The following CTDSPL2 variants were observed in gnomAD, a reference collection of about 807,000 sequenced individuals.
CTDSPL2 encodes the protein CTD small phosphatase like 2.
CTDSPL2 carries 5 observed loss-of-function variants against 60.0 expected under a neutral mutation model. The ratio of observed to expected loss-of-function variants is 0.08; its 90% confidence interval spans 0.04 to 0.18. CTDSPL2 has a LOEUF of 0.18. CTDSPL2 is among the 10% of genes least tolerant of loss of function. The pLI is 1.00. For missense variants in CTDSPL2, 370 were observed against 548.8 expected (o/e 0.67, Z 3.26); for synonymous variants, 186 against 189.3 (o/e 0.98, Z 0.14).
chr15:44,488,811 C>A (rs1432389210), intron 4 of CTDSPL2, among the ~76,000 whole-genome samples: 1 of 152,108 alleles, frequency 6.6e-6, no homozygotes, highest in Non-Finnish European at 1.5e-5. Context: ...AAGAGTGAAA[C>A]TCCATCTCAA....
intron 8 of CTDSPL2, among the ~76,000 whole-genome samples, chr15:44,511,975 G>T (rs1007401922): frequency 6.6e-6 from 1 of 151,532 alleles, no homozygotes; most frequent in Non-Finnish European, 1.5e-5. Context: ...TTGCTTGAGC[G>T]TAAGAGTTTG....
At chr15:44,466,199 A>G (rs2080687024) in intron 2 of CTDSPL2, among the ~76,000 whole-genome samples, 1 of 151,854 alleles carries the variant, frequency 6.6e-6, no homozygotes, top group Non-Finnish European at 1.5e-5. Context: ...AGCCTCCCAA[A>G]GTGCTGGGAT....
At chr15:44,484,700 A>G (rs1265455277) in intron 3 of CTDSPL2, among the ~76,000 whole-genome samples, 2 of 152,208 alleles carry the variant, frequency 1.3e-5, no homozygotes, top group African/African-American at 4.8e-5. Context: ...AGATTGTGCC[A>G]CTACACTCCA....
At position 44,490,898 on chromosome 15, in the gene CTDSPL2, G is replaced by A. The variant is rs758062180; in HGVS notation, c.590G>A (p.Gly197Glu). 1 of 1,613,870 alleles carries A rather than the reference G, an allele frequency of 6.2e-7. No individual in the cohort carries two copies. The highest frequency in any genetic ancestry group is 1.3e-5 in the African/African-American group (1 of 74,886). Reference sequence around the variant, plus strand: ...ACCAGTACTACTACATCAACTAATGGAGCAGCTTACTCAAATCAAGCAGTT... The same window carrying A: ...ACCAGTACTACTACATCAACTAATGAAGCAGCTTACTCAAATCAAGCAGTT... ...ITTSTTTSTN[G>E]AAYSNQAVQV... The change falls in exon 5 of 13, where the codon GGA becomes GAA. Residue 197 changes from glycine to glutamate, a missense_variant. Physicochemically the swap from Gly to Glu is moderately conservative, Grantham distance 98 (BLOSUM62 -2). Around this residue, in one of 6 missense-constraint regions of CTDSPL2, gnomAD observed 287 missense variants for 296.1 expected, o/e 0.97. Coordinates refer to ENST00000260327, the MANE Select transcript of CTDSPL2 (RefSeq NM_016396.3).
intron 1 of CTDSPL2, among the ~76,000 whole-genome samples, chr15:44,435,347 A>G (rs2079955267): frequency 6.6e-6 from 1 of 151,490 alleles, no homozygotes; most frequent in Non-Finnish European, 1.5e-5. Flanking sequence ...AGGCAGGTGG[A>G]TCACCTTAGG....
intron 2 of CTDSPL2, among the ~76,000 whole-genome samples, chr15:44,467,954 AT>A (rs563501667): frequency 2.0e-5 from 3 of 150,958 alleles, no homozygotes; most frequent in South Asian, 2.1e-4. Context: ...TTTGCTGGGG[AT>A]TTTTTTTTAA....
At chr15:44,456,707 A>ATT (rs201709565) in intron 1 of CTDSPL2, among the ~76,000 whole-genome samples, 3 of 151,148 alleles carry the variant, frequency 2.0e-5, no homozygotes, top group South Asian at 4.2e-4. Flanking sequence ...GGATTCATTG[A>ATT]TTTTTTTTAA....
chr15:44,496,784 C>T (rs1345563525), intron 6 of CTDSPL2, among the ~76,000 whole-genome samples: 2 of 152,052 alleles, frequency 1.3e-5, no homozygotes, highest in African/African-American at 4.8e-5. Context: ...TCACTTGAGC[C>T]CAGGAGGCAG....
chr15:44,476,888 A>C (rs914936013), intron 2 of CTDSPL2, among the ~76,000 whole-genome samples: 1 of 152,228 alleles, frequency 6.6e-6, no homozygotes. Context: ...TACAGAGATT[A>C]TAGCAGGTAC....
chr15:44,465,319 A>G (rs963007438), intron 2 of CTDSPL2, among the ~76,000 whole-genome samples: 2 of 152,200 alleles, frequency 1.3e-5, no homozygotes. Context: ...TTTTCCAAAT[A>G]TGGCATTTCC....
At chr15:44,477,198 T>C (rs1335122274) in intron 2 of CTDSPL2, among the ~76,000 whole-genome samples, 2 of 151,958 alleles carry the variant, frequency 1.3e-5, no homozygotes, top group Non-Finnish European at 2.9e-5. Flanking sequence ...CACTGCACTC[T>C]AGCCTGAGTG....
intron 1 of CTDSPL2, among the ~76,000 whole-genome samples, chr15:44,434,454 C>T (rs1389595980): frequency 6.6e-6 from 1 of 152,170 alleles, no homozygotes; most frequent in Non-Finnish European, 1.5e-5. Flanking sequence ...AGTACAATGG[C>T]ACAGTCACAG....
chr15:44,430,342 C>T (rs143873410), intron 1 of CTDSPL2, among the ~76,000 whole-genome samples: 1,920 of 152,004 alleles, frequency 0.013, 20 homozygotes, highest in Non-Finnish European at 0.021. Context: ...AACCCCTGGG[C>T]CTATGCAGTC....
At chr15:44,521,267 A>C in intron 11 of CTDSPL2, 44 bp from the exon 12 acceptor site, 1 of 972,380 alleles carries the variant, frequency 1.0e-6, no homozygotes, top group South Asian at 1.5e-5. Context: ...AAACTAGGTA[A>C]AATATAAGTA....
intron 8 of CTDSPL2, among the ~76,000 whole-genome samples, chr15:44,509,453 C>G (rs58297492): frequency 6.6e-6 from 1 of 152,076 alleles, no homozygotes. Context: ...GTGATCCGCC[C>G]GCCTTGGCCT....
Position 44,484,664 on chromosome 15 carries a change from C to T in CTDSPL2, c.325+302C>T, listed in dbSNP as rs145944564. 7.2e-5 allele frequency among the ~76,000 whole-genome samples: 11 copies of T among 152,224 alleles called. No individual in the cohort carries two copies. In the East Asian group the frequency reaches 2.1e-3, roughly 29 times the overall value. On this transcript the variant is annotated intron_variant, in intron 3 of 12. Coordinates refer to ENST00000260327, the MANE Select transcript of CTDSPL2 (RefSeq NM_016396.3). Reference sequence around the variant, plus strand: ...CTGAAGGTTGAGAATCGCTGGAACCCGGGAGGCAGAGGTTGCAGTAAGCTG... The same window carrying T: ...CTGAAGGTTGAGAATCGCTGGAACCTGGGAGGCAGAGGTTGCAGTAAGCTG...
intron 2 of CTDSPL2, among the ~76,000 whole-genome samples, chr15:44,464,207 A>G (rs552706198): frequency 3.2e-4 from 48 of 152,300 alleles, no homozygotes; most frequent in African/African-American, 1.1e-3. Context: ...AGCAGTTACT[A>G]TTTGCCAAGC....
chr15:44,469,589 C>G (rs975053834), intron 2 of CTDSPL2, among the ~76,000 whole-genome samples: 1 of 151,982 alleles, frequency 6.6e-6, no homozygotes, highest in African/African-American at 2.4e-5. Flanking sequence ...TTAATATACT[C>G]TGTATAATTT....
intron 10 of CTDSPL2, chr15:44,516,892 T>G (rs1050904753): frequency 6.6e-6 from 1 of 152,016 alleles, no homozygotes; most frequent in Non-Finnish European, 1.5e-5. Context: ...CAGCCTGGAG[T>G]GCAGTGGTGC....
Sources: allele counts gnomAD v4.1 joint callset (sites outside exome capture counted in the v4.1 genomes callset), GRCh38; gene constraint gnomAD v4.1.1; regional missense constraint gnomAD v4.1.1; transcripts MANE v1.5; gene names NCBI Gene and HGNC (gene_info 2026-07-23, HGNC 2026-07-21).